Variants in PUDP observed in about 807,000 individuals in gnomAD.
PUDP encodes the protein pseudouridine-5'-phosphatase.
Under a neutral mutation model 9.4 loss-of-function variants are expected in PUDP, and 8 were observed. The observed-to-expected ratio is 0.85, with a 90% CI of 0.50 to 1.53. The LOEUF (loss-of-function observed/expected upper bound fraction) is 1.53, where lower values mean the gene tolerates loss of function less well. PUDP is among the 40% of genes most tolerant of loss of function. PUDP has a pLI of 0.00. For synonymous variants in PUDP, 99 were observed against 80.7 expected (o/e 1.23, Z -1.22); for missense variants, 188 against 189.7 (o/e 0.99, Z 0.05).
chrX:6,717,965 AT>A (rs768620206), intron 1 of PUDP, among the ~76,000 whole-genome samples: 3 of 110,476 alleles, frequency 2.7e-5, no homozygotes, highest in Admixed American at 9.6e-5. Context: ...GATGTTGAGC[AT>A]TTTTTTTACA....
chrX:6,728,388 A>G (rs1924769293), intron 3 of PUDP, among the ~76,000 whole-genome samples: 1 of 111,441 alleles, frequency 9.0e-6, no homozygotes, highest in Admixed American at 9.5e-5. Flanking sequence ...ACACACACGC[A>G]CACTGTTAGA....
chrX:6,783,035 T>A (rs929926996), intron 3 of PUDP, among the ~76,000 whole-genome samples: 3 of 111,511 alleles, frequency 2.7e-5, no homozygotes, highest in Non-Finnish European at 3.8e-5. Flanking sequence ...AGGCTGGAAC[T>A]TGCTGGGCTG....
At chrX:7,056,382 C>A (rs1930243287) in intron 3 of PUDP, among the ~76,000 whole-genome samples, 1 of 112,182 alleles carries the variant, frequency 8.9e-6, no homozygotes, top group African/African-American at 3.2e-5. Flanking sequence ...CCTGCACATG[C>A]TCCCGGCAGG....
chrX:6,722,581 G>A (rs1431029283), upstream of PUDP, among the ~76,000 whole-genome samples: 1 of 112,025 alleles, frequency 8.9e-6, no homozygotes, highest in African/African-American at 3.2e-5. Flanking sequence ...GAATATTGGA[G>A]TACCAAACTG....
chrX:6,922,398 A>T (rs1002418280), intron 3 of PUDP, among the ~76,000 whole-genome samples: 2 of 111,521 alleles, frequency 1.8e-5, no homozygotes, highest in Admixed American at 9.5e-5. Flanking sequence ...ACCCACAAAA[A>T]TTTTTTAAAT....
chrX:6,733,770 C>CTTTTTTTTTTTTTTTTTT (rs3046297), intron 3 of PUDP, among the ~76,000 whole-genome samples: 1 of 46,264 alleles, frequency 2.2e-5, no homozygotes, highest in Non-Finnish European at 3.4e-5. Context: ...AAAGCAAAGC[C>CTTTTTTTTTTTTTTTTTT]TTTTTTTTTT....
chrX:6,971,687 G>C (rs186287965), intron 3 of PUDP, among the ~76,000 whole-genome samples: 2 of 110,590 alleles, frequency 1.8e-5, no homozygotes, highest in African/African-American at 3.3e-5. Context: ...GCCTCCCAAA[G>C]TGCTGGGATT....
At chrX:6,950,378 TAAC>T in intron 3 of PUDP, among the ~76,000 whole-genome samples, 1 of 104,863 alleles carries the variant, frequency 9.5e-6, no homozygotes, top group African/African-American at 3.5e-5. Context: ...TTTTATAACT[TAAC>T]TTATTTCTCA....
At chrX:7,078,730 T>TA (rs770843904) in intron 2 of PUDP, among the ~76,000 whole-genome samples, 2 of 112,372 alleles carry the variant, frequency 1.8e-5, no homozygotes, top group East Asian at 5.5e-4. Flanking sequence ...CAGGATAAGG[T>TA]AACAGATATC....
chrX:6,734,598 C>A (rs1355799407), intron 3 of PUDP, among the ~76,000 whole-genome samples: 4 of 111,227 alleles, frequency 3.6e-5, no homozygotes, highest in African/African-American at 9.8e-5. Flanking sequence ...TGTAGCAAGA[C>A]CCTATTTCTA....
intron 1 of PUDP, among the ~76,000 whole-genome samples, chrX:7,027,783 C>T (rs2146824373): frequency 1.2e-5 from 1 of 80,175 alleles, no homozygotes; most frequent in South Asian, 6.9e-4. Context: ...TATATATAGA[C>T]TATATATATA....
intron 3 of PUDP, among the ~76,000 whole-genome samples, chrX:6,824,589 G>A (rs1437625535): frequency 1.3e-4 from 14 of 111,687 alleles, no homozygotes; most frequent in South Asian, 3.8e-4. Flanking sequence ...GTTGACCAAC[G>A]TAACCTGTTT....
At chrX:7,016,231 G>C (rs1273360188) in intron 1 of PUDP, among the ~76,000 whole-genome samples, 1 of 110,872 alleles carries the variant, frequency 9.0e-6, no homozygotes, top group East Asian at 2.9e-4. Flanking sequence ...TACTTGAGAG[G>C]CTGAGGCGGG....
At position 6,789,221 on chromosome X, in the gene PUDP, T is replaced by C. The variant is rs148182891; in HGVS notation, c.*248-82755A>G. 7.8e-3 allele frequency among the ~76,000 whole-genome samples: 850 copies of C among 108,473 alleles called. 3 individuals are homozygous for C. The highest frequency in any genetic ancestry group is 0.027 in the African/African-American group (801 of 29,751). The allele number at this position is 108,473 out of a possible 115,157, so 94.2% of individuals were successfully genotyped here. A position where few individuals can be genotyped will look rare whatever the true frequency, so the allele number is the denominator to read the frequency against. Reference sequence around the variant, plus strand: ...AGGAGAATCGCTTGAACCCAGGAGGTAGAGGTTGCAGTGAGCCGACATTGC... The same window carrying C: ...AGGAGAATCGCTTGAACCCAGGAGGCAGAGGTTGCAGTGAGCCGACATTGC... On this transcript the variant is annotated intron_variant and NMD_transcript_variant, in intron 3 of 3. Coordinates refer to the PUDP transcript ENST00000655425.
chrX:6,756,447 A>G lies in PUDP; in HGVS notation c.*248-49981T>C, dbSNP rs371446367. ...TGGGCACAGGGTTGAATGAATGCTAATGGGCACAGGCCTTCTTTTGGGAAT... is the reference window on the plus strand; with the variant it reads ...TGGGCACAGGGTTGAATGAATGCTAGTGGGCACAGGCCTTCTTTTGGGAAT... On this transcript the variant is annotated intron_variant and NMD_transcript_variant, in intron 3 of 3. Coordinates refer to the PUDP transcript ENST00000655425. Among the ~76,000 whole-genome samples the G allele has an allele frequency of 2.9e-3, 330 of 112,556 alleles. 2 individuals carry two copies. Among genetic ancestry groups the G allele is most frequent in the African/African-American group, 0.01 (318 of 31,016 alleles).
At chrX:6,870,079 T>TA (rs1438434308) in intron 3 of PUDP, among the ~76,000 whole-genome samples, 30 of 103,558 alleles carry the variant, frequency 2.9e-4, no homozygotes, top group Middle Eastern at 4.8e-3. Flanking sequence ...TGTTCAGGCT[T>TA]AAAAAAAAAA....
intron 1 of PUDP, among the ~76,000 whole-genome samples, chrX:6,983,229 G>A (rs1929060340): frequency 9.0e-6 from 1 of 111,578 alleles, no homozygotes; most frequent in Non-Finnish European, 1.9e-5. Context: ...ACTCGAATCA[G>A]TGTCCCCAAG....
At chrX:6,846,109 T>C (rs975600288) in intron 3 of PUDP, among the ~76,000 whole-genome samples, 2 of 112,032 alleles carry the variant, frequency 1.8e-5, no homozygotes, top group East Asian at 2.8e-4. Context: ...ATTGTAAACA[T>C]TGGTTTTGGA....
At chrX:7,099,736 C>G (rs1313598921) in intron 2 of PUDP, among the ~76,000 whole-genome samples, 1 of 112,109 alleles carries the variant, frequency 8.9e-6, no homozygotes, top group African/African-American at 3.2e-5. Flanking sequence ...AGACTCACCT[C>G]TGCTTCATAA....
Sources: allele counts gnomAD v4.1 joint callset (sites outside exome capture counted in the v4.1 genomes callset), GRCh38; gene constraint gnomAD v4.1.1; transcripts MANE v1.5; gene names NCBI Gene and HGNC (gene_info 2026-07-23, HGNC 2026-07-21).